C12orf42: variants seen among roughly 807,000 people sequenced by gnomAD.
The protein encoded by C12orf42 is chromosome 12 open reading frame 42.
In C12orf42, 25 loss-of-function variants were observed where a neutral mutation model predicts 21.6. The observed-to-expected ratio is 1.16, with a 90% CI of 0.84 to 1.62. The LOEUF is 1.62. C12orf42 is among the 40% of genes most tolerant of loss of function. The probability of loss-of-function intolerance (pLI) is 0.00; values close to 1 mark genes in which losing one functional copy is unlikely to be tolerated. For missense variants in C12orf42, 483 were observed against 459.3 expected (o/e 1.05, Z -0.47); for synonymous variants, 174 against 175.0 (o/e 0.99, Z 0.05).
chr12:103,138,618 G>A, the C12orf42 span, among the ~76,000 whole-genome samples: 2 of 152,060 alleles, frequency 1.3e-5, no homozygotes, highest in Admixed American at 1.3e-4. Flanking sequence ...TATAATCCCT[G>A]GTAGAAAACC....
intron 2 of C12orf42, among the ~76,000 whole-genome samples, chr12:103,439,063 T>C (rs1359512831): frequency 6.6e-6 from 1 of 151,916 alleles, no homozygotes; most frequent in Non-Finnish European, 1.5e-5. Flanking sequence ...AACAGAGATA[T>C]AGATCAATGG....
intron 4 of C12orf42, among the ~76,000 whole-genome samples, chr12:103,339,816 T>C (rs1160912398): frequency 1.3e-5 from 2 of 152,224 alleles, no homozygotes; most frequent in African/African-American, 4.8e-5. Context: ...ATCATAGCAT[T>C]TTGGAACTTC....
At chr12:103,048,917 C>T in the C12orf42 span, among the ~76,000 whole-genome samples, 2 of 152,160 alleles carry the variant, frequency 1.3e-5, no homozygotes, top group Non-Finnish European at 2.9e-5. Context: ...ATTCTTCTCA[C>T]TAACCTTCTT....
the C12orf42 span, chr12:103,550,328 C>A: frequency 6.6e-6 from 1 of 152,206 alleles, no homozygotes; most frequent in Non-Finnish European, 1.5e-5. Context: ...GGTAACTTTT[C>A]CTGTTAAAAC....
the C12orf42 span, among the ~76,000 whole-genome samples, chr12:103,219,992 C>T: frequency 6.6e-6 from 1 of 152,130 alleles, no homozygotes; most frequent in Non-Finnish European, 1.5e-5. Context: ...TTTACAATAG[C>T]AAAGACTTGG....
the C12orf42 span, among the ~76,000 whole-genome samples, chr12:103,200,269 T>A: frequency 3.9e-5 from 6 of 152,078 alleles, no homozygotes; most frequent in Admixed American, 2.6e-4. Flanking sequence ...ATATGATAAA[T>A]CTGGATTAGT....
At chr12:103,235,957 C>A (rs987795195), downstream of C12orf42, among the ~76,000 whole-genome samples, 2 of 152,140 alleles carry the variant, frequency 1.3e-5, no homozygotes, top group African/African-American at 4.8e-5. Flanking sequence ...CTCAGAAATG[C>A]TCCTTGTGGT....
chr12:103,058,531 C>T, the C12orf42 span, among the ~76,000 whole-genome samples: 1 of 152,156 alleles, frequency 6.6e-6, no homozygotes, highest in Non-Finnish European at 1.5e-5. Context: ...ACAGAATATA[C>T]ATTCTTCTCA....
the C12orf42 span, among the ~76,000 whole-genome samples, chr12:103,058,516 A>G: frequency 6.6e-6 from 1 of 152,182 alleles, no homozygotes; most frequent in African/African-American, 2.4e-5. Flanking sequence ...CTCCACCACA[A>G]ATCAACAGAA....
the C12orf42 span, among the ~76,000 whole-genome samples, chr12:103,201,720 C>T: frequency 6.6e-6 from 1 of 152,136 alleles, no homozygotes; most frequent in Non-Finnish European, 1.5e-5. Flanking sequence ...ATCTTCAAGC[C>T]TCTCATCTCC....
At chr12:103,107,998 G>A in the C12orf42 span, among the ~76,000 whole-genome samples, 12 of 151,012 alleles carry the variant, frequency 7.9e-5, no homozygotes, top group Non-Finnish European at 1.6e-4. Context: ...CAATATCTAG[G>A]TAAATATAAA....
At chr12:103,335,795 C>G (rs983662614) in intron 4 of C12orf42, among the ~76,000 whole-genome samples, 1 of 152,140 alleles carries the variant, frequency 6.6e-6, no homozygotes, top group Non-Finnish European at 1.5e-5. Flanking sequence ...AATGTTTCGC[C>G]AGAATAAATG....
chr12:103,512,829 C>A, the C12orf42 span, among the ~76,000 whole-genome samples: 1 of 152,056 alleles, frequency 6.6e-6, no homozygotes, highest in East Asian at 1.9e-4. Context: ...TGGTGAAACC[C>A]CGTCTCTACT....
intron 4 of C12orf42, among the ~76,000 whole-genome samples, chr12:103,294,428 G>GAAAA (rs1555245896): frequency 1.0e-5 from 1 of 96,020 alleles, no homozygotes; most frequent in African/African-American, 4.5e-5. Flanking sequence ...AAAGGAGAGA[G>GAAAA]AGAAAGAAAG....
intron 2 of C12orf42, among the ~76,000 whole-genome samples, chr12:103,453,660 G>A (rs1952099700): frequency 6.6e-6 from 1 of 151,836 alleles, no homozygotes; most frequent in Non-Finnish European, 1.5e-5. Flanking sequence ...TGCTGTCATG[G>A]CTTTATTCGC....
chr12:103,498,465 A>T (rs961705898), upstream of C12orf42, among the ~76,000 whole-genome samples: 1 of 152,270 alleles, frequency 6.6e-6, no homozygotes, highest in African/African-American at 2.4e-5. Context: ...CATATATACA[A>T]TGGGATATTA....
the C12orf42 span, among the ~76,000 whole-genome samples, chr12:103,048,693 C>G: frequency 2.6e-5 from 4 of 152,234 alleles, no homozygotes; most frequent in South Asian, 8.3e-4. Flanking sequence ...TTAGCCTTGA[C>G]CTTTAACCCA....
intron 4 of C12orf42, among the ~76,000 whole-genome samples, chr12:103,291,356 C>A (rs138384809): frequency 1.3e-5 from 2 of 152,154 alleles, no homozygotes; most frequent in Non-Finnish European, 2.9e-5. Flanking sequence ...GATACCAATG[C>A]GGGGGAATCC....
the C12orf42 span, among the ~76,000 whole-genome samples, chr12:103,075,753 T>C: frequency 6.6e-6 from 1 of 152,148 alleles, no homozygotes; most frequent in Non-Finnish European, 1.5e-5. Flanking sequence ...CACCTTCTCA[T>C]TTATGAACAA....
Sources: allele counts gnomAD v4.1 joint callset (sites outside exome capture counted in the v4.1 genomes callset), GRCh38; gene constraint gnomAD v4.1.1; transcripts MANE v1.5; gene names NCBI Gene and HGNC (gene_info 2026-07-23, HGNC 2026-07-21).